The following LDAH variants were observed in gnomAD, a reference collection of about 807,000 sequenced individuals.
The protein encoded by LDAH is lipid droplet-associated hydrolase.
LDAH carries 26 observed loss-of-function variants against 29.6 expected under a neutral mutation model. The ratio of observed to expected loss-of-function variants is 0.88; its 90% CI spans 0.64 to 1.22. The LOEUF is 1.22. Ranked by LOEUF, LDAH falls within the 50% of genes most tolerant of loss-of-function variation. The pLI, the probability that LDAH is intolerant of heterozygous loss-of-function variation, is 0.00. For missense variants in LDAH, 344 were observed against 387.3 expected (o/e 0.89, Z 0.94); for synonymous variants, 117 against 133.0 (o/e 0.88, Z 0.83).
At chr2:20,702,368 T>C (rs185941734) in intron 5 of LDAH, among the ~76,000 whole-genome samples, 57 of 152,362 alleles carry the variant, frequency 3.7e-4, no homozygotes, top group African/African-American at 1.1e-3. Flanking sequence ...CCCTTCATTT[T>C]CAATCTTTTG....
intron 5 of LDAH, among the ~76,000 whole-genome samples, chr2:20,713,766 C>G (rs1301001057): frequency 6.6e-6 from 1 of 152,056 alleles, no homozygotes; most frequent in Non-Finnish European, 1.5e-5. Flanking sequence ...TTTAAACCAA[C>G]AAAGATCAAA....
At chr2:20,733,463 G>A (rs1022927161) in intron 5 of LDAH, among the ~76,000 whole-genome samples, 2 of 145,804 alleles carry the variant, frequency 1.4e-5, no homozygotes, top group Non-Finnish European at 3.0e-5. Context: ...GCAGTGTCAC[G>A]ATCTCGGCTC....
chr2:20,791,082 T>A (rs1411704342), intron 2 of LDAH, among the ~76,000 whole-genome samples: 1 of 152,252 alleles, frequency 6.6e-6, no homozygotes, highest in Non-Finnish European at 1.5e-5. Flanking sequence ...TTAGGCTTTC[T>A]GGTCTCTGCA....
At chr2:20,703,110 G>A (rs1265228409) in intron 5 of LDAH, among the ~76,000 whole-genome samples, 1 of 152,222 alleles carries the variant, frequency 6.6e-6, no homozygotes, top group African/African-American at 2.4e-5. Context: ...ACAGGCATGA[G>A]CCACCGCACC....
In LDAH at chr2:20,685,014, CCT is replaced by C; in HGVS notation, c.*1887_*1888del. ...CTCAGGAGAACTGCTCAAATTGTACCCTCTCTTGCCCAACACAGAGATCAGGC... is the reference window on the plus strand; with the variant it reads ...CTCAGGAGAACTGCTCAAATTGTACCCTCTTGCCCAACACAGAGATCAGGC... On this transcript the variant is annotated 3_prime_UTR_variant, in exon 7 of 7. Coordinates refer to ENST00000237822, the MANE Select transcript of LDAH (RefSeq NM_021925.4). 1 of 1,489,472 alleles carries C rather than the reference CCT, an allele frequency of 6.7e-7. No homozygotes were observed. Among genetic ancestry groups the C allele is most frequent in the Non-Finnish European group, 9.0e-7 (1 of 1,106,156 alleles). The allele number at this position is 1,489,472 out of a possible 1,614,324, so 92.3% of individuals were successfully genotyped here.
chr2:20,685,423 T>A lies in LDAH; in HGVS notation c.*1480A>T. On this transcript the variant is annotated 3_prime_UTR_variant, in exon 7 of 7. Transcript: ENST00000237822. ...CAGCCCTGTGCTTACGGCCTATGTA[T>A]CTATTAGCTCTTCCCCTTGGGCTAA... The A allele has an allele frequency of 8.0e-7, 1 of 1,246,930 alleles. No homozygotes were observed. 77.2% of individuals were successfully genotyped at this position (1,246,930 alleles called of 1,614,324 possible).
At chr2:20,764,191 G>A (rs890953742) in intron 4 of LDAH, among the ~76,000 whole-genome samples, 8 of 152,172 alleles carry the variant, frequency 5.3e-5, no homozygotes, top group African/African-American at 7.2e-5. Context: ...GTGTGTGTGC[G>A]CACAAATATG....
At chr2:20,702,464 A>G (rs1298170961) in intron 5 of LDAH, among the ~76,000 whole-genome samples, 5 of 152,216 alleles carry the variant, frequency 3.3e-5, no homozygotes, top group African/African-American at 1.2e-4. Flanking sequence ...TCTTAAATAG[A>G]AGGACTAAAC....
At chr2:20,758,764 A>G (rs1482779646) in intron 4 of LDAH, among the ~76,000 whole-genome samples, 3 of 152,198 alleles carry the variant, frequency 2.0e-5, no homozygotes. Flanking sequence ...GACAAAGCAG[A>G]AAGGAAGTAG....
Position 20,685,431 on chromosome 2 carries a change from C to T in LDAH, c.*1472G>A. The T allele has an allele frequency of 2.2e-6, 3 of 1,344,124 alleles. No homozygotes were observed. Among genetic ancestry groups the T allele is most frequent in the Non-Finnish European group, 2.0e-6 (2 of 997,640 alleles). 83.3% of individuals were successfully genotyped at this position (1,344,124 alleles called of 1,614,324 possible). A position where few individuals can be genotyped will look rare whatever the true frequency, so the allele number is the denominator to read the frequency against. ...TGCTTACGGCCTATGTATCTATTAG[C>T]TCTTCCCCTTGGGCTAACAGCACTC... On this transcript the variant is annotated 3_prime_UTR_variant, in exon 7 of 7. Transcript: ENST00000237822.
At chr2:20,703,018 G>T (rs1051848439) in intron 5 of LDAH, among the ~76,000 whole-genome samples, 1 of 152,162 alleles carries the variant, frequency 6.6e-6, no homozygotes, top group Admixed American at 6.5e-5. Context: ...TAGAGACAGG[G>T]TTTCACCATG....
chr2:20,752,483 T>G (rs1042349036), intron 4 of LDAH, among the ~76,000 whole-genome samples: 1 of 151,998 alleles, frequency 6.6e-6, no homozygotes, highest in African/African-American at 2.4e-5. Flanking sequence ...TGGCAATGTA[T>G]TAGTTTCCAG....
intron 6 of LDAH, among the ~76,000 whole-genome samples, chr2:20,691,586 G>C: frequency 6.6e-6 from 1 of 152,202 alleles, no homozygotes; most frequent in East Asian, 1.9e-4. Context: ...TGTTAACAAA[G>C]AATCGCAGGC....
chr2:20,733,578 A>G (rs899513322), intron 5 of LDAH, among the ~76,000 whole-genome samples: 2 of 151,524 alleles, frequency 1.3e-5, no homozygotes, highest in Admixed American at 6.6e-5. Context: ...TAATTTTTGT[A>G]TTTTTAGTAG....
intron 4 of LDAH, among the ~76,000 whole-genome samples, chr2:20,766,703 C>A (rs1669062111): frequency 6.6e-6 from 1 of 152,230 alleles, no homozygotes. Context: ...ATATCTTCTG[C>A]CTCTTTCTGT....
At chr2:20,742,204 TTA>T (rs1667228285) in intron 4 of LDAH, among the ~76,000 whole-genome samples, 3 of 152,208 alleles carry the variant, frequency 2.0e-5, no homozygotes, top group Non-Finnish European at 4.4e-5. Flanking sequence ...AAGGTGTGCT[TTA>T]TGGACCATAA....
intron 3 of LDAH, among the ~76,000 whole-genome samples, chr2:20,783,417 C>A (rs917738063): frequency 6.6e-6 from 1 of 152,178 alleles, no homozygotes; most frequent in Non-Finnish European, 1.5e-5. Flanking sequence ...GCTGATGTTT[C>A]CACTTATAAT....
At chr2:20,794,344 AC>A in intron 2 of LDAH, among the ~76,000 whole-genome samples, 1 of 152,168 alleles carries the variant, frequency 6.6e-6, no homozygotes. Context: ...TTGGGTGGGG[AC>A]ACAGCCAAAC....
At chr2:20,702,296 A>G (rs1664003070) in intron 5 of LDAH, among the ~76,000 whole-genome samples, 1 of 152,138 alleles carries the variant, frequency 6.6e-6, no homozygotes, top group Non-Finnish European at 1.5e-5. Flanking sequence ...TGTACCCTGA[A>G]TTCCATTTTG....
Sources: gnomAD v4.1 joint callset for allele counts (sites outside exome capture counted in the v4.1 genomes callset) on GRCh38, gnomAD v4.1.1 for gene constraint, MANE v1.5 for transcripts, NCBI Gene and HGNC (gene_info 2026-07-23, HGNC 2026-07-21) for gene names.